The following PARD3B variants were observed in gnomAD, a reference collection of about 807,000 sequenced individuals.
The protein encoded by PARD3B is par-3 family cell polarity regulator beta, also known as partitioning defective 3 homolog B.
Under a neutral mutation model 130.2 loss-of-function variants are expected in PARD3B, and 103 were observed. The ratio of observed to expected loss-of-function variants is 0.79; its 90% confidence interval spans 0.67 to 0.93. PARD3B has a LOEUF of 0.93. PARD3B is among the 40% of genes least tolerant of loss of function. The probability of loss-of-function intolerance (pLI) is 0.00; values close to 1 mark genes in which losing one functional copy is unlikely to be tolerated. For missense variants in PARD3B, 1,609 were observed against 1,499.2 expected (o/e 1.07, Z -1.21); for synonymous variants, 583 against 553.2 (o/e 1.05, Z -0.76).
chr2:204,622,573 T>G (rs1414267279), intron 1 of PARD3B, among the ~76,000 whole-genome samples: 2 of 151,606 alleles, frequency 1.3e-5, no homozygotes, highest in Non-Finnish European at 2.9e-5. Context: ...ATTAATTCAT[T>G]TTATAATCTT....
chr2:205,415,289 A>G (rs1464924425), intron 19 of PARD3B, among the ~76,000 whole-genome samples: 1 of 152,194 alleles, frequency 6.6e-6, no homozygotes, highest in African/African-American at 2.4e-5. Flanking sequence ...CCTACTTTTG[A>G]TAATCAATTC....
At chr2:205,368,770 G>A (rs185531831) in intron 18 of PARD3B, among the ~76,000 whole-genome samples, 2 of 151,888 alleles carry the variant, frequency 1.3e-5, no homozygotes, top group Non-Finnish European at 2.9e-5. Context: ...TGGAACATGA[G>A]ACTGGTAGGC....
intron 2 of PARD3B, among the ~76,000 whole-genome samples, chr2:204,896,228 A>T (rs1350662764): frequency 1.3e-5 from 2 of 152,210 alleles, no homozygotes; most frequent in Non-Finnish European, 2.9e-5. Flanking sequence ...TAGGTTTTAT[A>T]AAGGAGGATG....
At chr2:205,532,485 T>TG (rs902217766) in intron 21 of PARD3B, among the ~76,000 whole-genome samples, 19 of 152,164 alleles carry the variant, frequency 1.2e-4, no homozygotes, top group African/African-American at 3.9e-4. Context: ...TGGCAGTGCT[T>TG]GGGGGGGAAA....
intron 1 of PARD3B, among the ~76,000 whole-genome samples, chr2:204,671,896 A>C (rs1008200705): frequency 6.6e-6 from 1 of 152,206 alleles, no homozygotes; most frequent in Non-Finnish European, 1.5e-5. Flanking sequence ...ATATATGTGC[A>C]TGTATGCAAC....
intron 22 of PARD3B, among the ~76,000 whole-genome samples, chr2:205,597,493 T>TA (rs2054613955): frequency 6.6e-6 from 1 of 152,176 alleles, no homozygotes. Flanking sequence ...AACAAAGAGG[T>TA]ACGTGTGTCT....
At chr2:205,192,502 T>A (rs1423531436) in intron 14 of PARD3B, among the ~76,000 whole-genome samples, 1 of 152,194 alleles carries the variant, frequency 6.6e-6, no homozygotes, top group African/African-American at 2.4e-5. Flanking sequence ...GTAATTCTCT[T>A]ATGTAATACC....
In PARD3B at chr2:205,575,278, T is replaced by C. The variant is rs1036852426; in HGVS notation, c.3260+21875T>C. Among the ~76,000 whole-genome samples, 14 of 152,138 alleles carry C rather than the reference T, an allele frequency of 9.2e-5. No homozygotes were observed. Among genetic ancestry groups the C allele is most frequent in the Non-Finnish European group, 1.3e-4 (9 of 68,016 alleles). ...TAGAGGAAGGTACACAGATTTCTCA[T>C]AAACCTGCCACCTCAACACATGCGT... On this transcript the variant is annotated intron_variant, in intron 22 of 22. Transcript: ENST00000406610. This position sits in a 1 kb window ranked among gnomAD's most constrained non-coding sequence, Gnocchi z 4.6.
chr2:204,971,824 T>C (rs2125178315), intron 3 of PARD3B, among the ~76,000 whole-genome samples: 1 of 143,944 alleles, frequency 6.9e-6, no homozygotes, highest in African/African-American at 2.7e-5. Context: ...GCTACTGTTG[T>C]TTTGTTTTAA....
At chr2:205,514,510 TAATA>T (rs752787821) in intron 21 of PARD3B, among the ~76,000 whole-genome samples, 25 of 152,130 alleles carry the variant, frequency 1.6e-4, no homozygotes, top group Non-Finnish European at 3.4e-4. Context: ...TAAACATTAT[TAATA>T]AATCTTATCT....
intron 18 of PARD3B, among the ~76,000 whole-genome samples, chr2:205,329,797 C>A (rs147931752): frequency 6.6e-6 from 1 of 152,150 alleles, no homozygotes; most frequent in African/African-American, 2.4e-5. Flanking sequence ...TCGAGACCAG[C>A]CTGACCAATG....
Position 204,898,028 on chromosome 2 carries a change from T to C in PARD3B, c.223-67124T>C, listed in dbSNP as rs551153737. Among the ~76,000 whole-genome samples, 138 of 152,148 alleles carry C rather than the reference T, an allele frequency of 9.1e-4. 1 individual carries two copies. Among genetic ancestry groups the C allele is most frequent in the Non-Finnish European group, 1.6e-3 (109 of 67,986 alleles). On this transcript the variant is annotated intron_variant, in intron 2 of 22. Transcript: ENST00000406610. ...AAAGCTCTGAAGGTGGTAGTAATGA[T>C]TGGTGCACATGTTATAAATGTACTT...
rs1311130834 is a variant in PARD3B, at chr2:205,253,197, T to A, written c.2185+7375T>A. The A allele has an allele frequency of 5.0e-6, 2 of 402,064 alleles. No homozygotes were observed. Among genetic ancestry groups the A allele is most frequent in the Non-Finnish European group, 1.0e-5 (2 of 200,570 alleles). The allele number at this position is 402,064 out of a possible 1,614,324, so 24.9% of individuals were successfully genotyped here. ...AGGTTAGGACCAGCTTTTCTGCAGG[T>A]GTTGACCAGCAATTTCCTGCGGCAT... On this transcript the variant is annotated intron_variant, in intron 16 of 22. Coordinates refer to ENST00000406610, the MANE Select transcript of PARD3B (RefSeq NM_001302769.2). This position sits in a 1 kb window ranked among gnomAD's most constrained non-coding sequence, Gnocchi z 4.4.
intron 2 of PARD3B, among the ~76,000 whole-genome samples, chr2:204,777,415 C>T (rs965022829): frequency 2.6e-5 from 4 of 152,072 alleles, no homozygotes; most frequent in African/African-American, 9.7e-5. Context: ...TGAAAGGAAA[C>T]ATAAGGTTTA....
chr2:205,164,848 C>T (rs934586363), intron 11 of PARD3B, among the ~76,000 whole-genome samples: 3 of 151,522 alleles, frequency 2.0e-5, no homozygotes, highest in Non-Finnish European at 4.4e-5. Context: ...CACACACACA[C>T]GTAAGACCAG....
At chr2:204,940,908 G>A (rs1166479303) in intron 2 of PARD3B, among the ~76,000 whole-genome samples, 3 of 126,186 alleles carry the variant, frequency 2.4e-5, no homozygotes, top group African/African-American at 3.4e-5. Context: ...TAGGAATAAA[G>A]ATTAAAAAAA....
At chr2:205,485,208 G>A (rs2049391497) in intron 20 of PARD3B, among the ~76,000 whole-genome samples, 1 of 152,122 alleles carries the variant, frequency 6.6e-6, no homozygotes, top group Admixed American at 6.6e-5. Flanking sequence ...ACTTTTTGCT[G>A]TCTGATTTGG....
At chr2:204,985,867 G>A (rs1232316005) in intron 3 of PARD3B, among the ~76,000 whole-genome samples, 3 of 152,058 alleles carry the variant, frequency 2.0e-5, no homozygotes, top group South Asian at 2.1e-4. Context: ...TTAGGAGGCC[G>A]AGGTGGGTGG....
At chr2:204,583,391 C>G (rs554021631) in intron 1 of PARD3B, among the ~76,000 whole-genome samples, 1 of 107,354 alleles carries the variant, frequency 9.3e-6, no homozygotes, top group African/African-American at 3.5e-5. Flanking sequence ...AACCAAACAC[C>G]GCATATTCTC....
Sources: gnomAD v4.1 joint callset for allele counts (sites outside exome capture counted in the v4.1 genomes callset) on GRCh38, gnomAD v4.1.1 for gene constraint, Gnocchi (gnomAD v3.1) non-coding constraint, MANE v1.5 for transcripts, NCBI Gene and HGNC (gene_info 2026-07-23, HGNC 2026-07-21) for gene names.